FBXL13: variants seen among roughly 807,000 people sequenced by gnomAD.
The protein encoded by FBXL13 is F-box and leucine-rich repeat protein 13.
In FBXL13, 67 loss-of-function variants were observed where a neutral mutation model predicts 83.6. That is an observed-to-expected ratio of 0.80 (90% confidence interval 0.66 to 0.98). FBXL13 has a LOEUF of 0.98. Among genes scored for constraint, FBXL13 ranks in the 50% least tolerant of loss-of-function variants. FBXL13 has a pLI of 0.00. For missense variants in FBXL13, 822 were observed against 866.5 expected (o/e 0.95, Z 0.64); for synonymous variants, 272 against 299.5 (o/e 0.91, Z 0.95).
chr7:103,004,042 A>T, intron 6 of FBXL13, among the ~76,000 whole-genome samples: 1 of 152,202 alleles, frequency 6.6e-6, no homozygotes. Flanking sequence ...CCATCTTATT[A>T]CTATCAATCA....
intron 16 of FBXL13, among the ~76,000 whole-genome samples, chr7:102,867,504 T>G (rs560454183): frequency 9.9e-5 from 15 of 151,272 alleles, no homozygotes; most frequent in Admixed American, 7.2e-4. Context: ...GAGAGTCAGT[T>G]CTGTGTGTCT....
In FBXL13 at chr7:102,973,747, C is replaced by A. The variant is rs372032574; in HGVS notation, c.496-5630G>T. The A allele has an allele frequency of 4.2e-5, 32 of 765,826 alleles. No homozygotes were observed. The African/African-American group carries it at 4.4e-4, about 11-fold the overall frequency. 47.4% of individuals were successfully genotyped at this position (765,826 alleles called of 1,614,324 possible). A position where few individuals can be genotyped will look rare whatever the true frequency, so the allele number is the denominator to read the frequency against. On this transcript the variant is annotated intron_variant, in intron 6 of 19. Coordinates refer to ENST00000313221, the Ensembl canonical transcript of FBXL13. ...CTCCAGTTGCTTCTCTGTGCATGCACATCAGTCACTGATCTCACCTACTGG... is the reference window on the plus strand; with the variant it reads ...CTCCAGTTGCTTCTCTGTGCATGCAAATCAGTCACTGATCTCACCTACTGG...
chr7:103,018,611 A>G (rs1396758280), intron 6 of FBXL13, among the ~76,000 whole-genome samples: 3 of 152,332 alleles, frequency 2.0e-5, no homozygotes, highest in Non-Finnish European at 4.4e-5. Flanking sequence ...TAGGCTCAAA[A>G]TAAAGGGATG....
chr7:102,832,792 T>C (rs776813053), intron 18 of FBXL13, 48 bp downstream of exon 19: 1 of 1,610,634 alleles, frequency 6.2e-7, no homozygotes, highest in South Asian at 1.1e-5. Context: ...CCTTGTCCCT[T>C]GGCAGTGCTT....
chr7:102,997,167 TG>T (rs1789889048), intron 6 of FBXL13, among the ~76,000 whole-genome samples: 1 of 152,206 alleles, frequency 6.6e-6, no homozygotes, highest in Non-Finnish European at 1.5e-5. Flanking sequence ...CATCAATAAC[TG>T]CTTAGAGATT....
intron 18 of FBXL13, among the ~76,000 whole-genome samples, chr7:102,825,579 G>C (rs1369051545): frequency 6.6e-6 from 1 of 152,142 alleles, no homozygotes; most frequent in Non-Finnish European, 1.5e-5. Flanking sequence ...GACTAAGACA[G>C]GGTATGACCA....
At chr7:102,839,107 A>G (rs1308352099) in intron 17 of FBXL13, among the ~76,000 whole-genome samples, 1 of 152,236 alleles carries the variant, frequency 6.6e-6, no homozygotes, top group Non-Finnish European at 1.5e-5. Context: ...GAGACGAGAC[A>G]TGTTGGCAGC....
intron 1 of FBXL13, among the ~76,000 whole-genome samples, chr7:103,069,552 T>A (rs1798729971): frequency 6.6e-6 from 1 of 152,114 alleles, no homozygotes; most frequent in Admixed American, 6.5e-5. Flanking sequence ...CTGGCTAGCT[T>A]CTCAATCAAA....
intron 2 of FBXL13, among the ~76,000 whole-genome samples, chr7:103,051,138 G>A (rs1391058121): frequency 6.6e-6 from 1 of 152,102 alleles, no homozygotes; most frequent in African/African-American, 2.4e-5. Flanking sequence ...TTGATTCTCA[G>A]GGTCTCTTGA....
intron 2 of FBXL13, 87 bp from the exon 3 acceptor site, chr7:103,055,265 T>C: frequency 1.4e-6 from 1 of 707,470 alleles, no homozygotes; most frequent in Non-Finnish European, 2.0e-6. Context: ...GTAGGTGGAA[T>C]GAAAGGGAGG....
At chr7:102,988,413 C>G (rs1023469736) in intron 6 of FBXL13, 1 of 151,876 alleles carries the variant, frequency 6.6e-6, no homozygotes, top group East Asian at 1.9e-4. Context: ...AGAAGGAAGC[C>G]GTTGTATAGC....
At chr7:102,976,320 T>C in intron 6 of FBXL13, 1 of 638,622 alleles carries the variant, frequency 1.6e-6, no homozygotes, top group South Asian at 1.8e-5. Context: ...CCCAAGTCTC[T>C]ATTGTGGAAA....
chr7:102,848,517 C>T (rs1261280086), intron 17 of FBXL13, among the ~76,000 whole-genome samples: 4 of 37,614 alleles, frequency 1.1e-4, no homozygotes, highest in African/African-American at 1.0e-3. Context: ...GATTGCGCCA[C>T]TGCACTCCAG....
In FBXL13 at chr7:102,861,076, C is replaced by T. The variant is rs182546777; in HGVS notation, c.1636-6216G>A. 3.1e-3 allele frequency among the ~76,000 whole-genome samples: 465 copies of T among 151,970 alleles called. 3 individuals carry two copies. The highest frequency in any genetic ancestry group is 4.0e-3 in the Non-Finnish European group (274 of 67,966). On this transcript the variant is annotated intron_variant, in intron 16 of 19. Coordinates refer to ENST00000313221, the Ensembl canonical transcript of FBXL13. ...AGTTTCAGATATCATGATGCTTTAT[C>T]CCTAAATATTTCATGTGCATCTCCT...
intron 17 of FBXL13, among the ~76,000 whole-genome samples, chr7:102,833,253 A>G (rs1331662901): frequency 2.0e-5 from 3 of 152,220 alleles, no homozygotes; most frequent in African/African-American, 7.2e-5. Context: ...TCATATGGTC[A>G]GTAATGAGTA....
rs1797258837 is a variant in FBXL13 at position 103,055,630 on chromosome 7, A to G, written c.-1+14T>C. On this transcript the variant is annotated intron_variant, in intron 2 of 19. Coordinates refer to ENST00000313221, the Ensembl canonical transcript of FBXL13. Reference sequence around the variant, plus strand: ...ATAAAATATTTCCCTATCAAAAATCAAAACAATACTTACCAAAGAAGATTC... The same window carrying G: ...ATAAAATATTTCCCTATCAAAAATCGAAACAATACTTACCAAAGAAGATTC... 1 of 1,160,102 alleles carries G rather than the reference A, an allele frequency of 8.6e-7. No individual in the cohort carries two copies. Among genetic ancestry groups the G allele is most frequent in the African/African-American group, 1.6e-5 (1 of 61,616 alleles). The allele number at this position is 1,160,102 out of a possible 1,614,324, so 71.9% of individuals were successfully genotyped here. A position where few individuals can be genotyped will look rare whatever the true frequency, so the allele number is the denominator to read the frequency against.
intron 16 of FBXL13, among the ~76,000 whole-genome samples, chr7:102,869,949 T>C (rs777296833): frequency 1.3e-5 from 2 of 152,194 alleles, no homozygotes; most frequent in African/African-American, 4.8e-5. Context: ...TGGGCAGTTA[T>C]AAGAGATGAT....
At chr7:102,883,461 T>C (rs1810382199) in exon 14 of FBXL13, 3 of 1,605,552 alleles carry the variant, frequency 1.9e-6, no homozygotes, top group Middle Eastern at 1.7e-4. Flanking sequence ...AGTAACCCTT[T>C]TATTTCCTGT....
chr7:102,909,261 A>G (rs1325529155), intron 11 of FBXL13, among the ~76,000 whole-genome samples: 5 of 152,038 alleles, frequency 3.3e-5, no homozygotes, highest in Non-Finnish European at 5.9e-5. Flanking sequence ...CTTGTGGTGA[A>G]TGCTGCCTCA....
Sources: allele counts gnomAD v4.1 joint callset (sites outside exome capture counted in the v4.1 genomes callset), GRCh38; gene constraint gnomAD v4.1.1; transcripts MANE v1.5; gene names NCBI Gene and HGNC (gene_info 2026-07-23, HGNC 2026-07-21).